SIL1: variants seen among roughly 807,000 people sequenced by gnomAD.
SIL1 encodes nucleotide exchange factor SIL1.
SIL1 carries 40 observed loss-of-function variants against 49.1 expected under a neutral mutation model. That is an observed-to-expected ratio of 0.81 (90% CI 0.63 to 1.06). The LOEUF (loss-of-function observed/expected upper bound fraction) is 1.06, where lower values mean the gene tolerates loss of function less well. Ranked by LOEUF, SIL1 falls within the 50% of genes least tolerant of loss-of-function variation. The pLI is 0.00. For synonymous variants in SIL1, 253 were observed against 250.8 expected, an observed-to-expected ratio of 1.01 and a Z score of -0.08; for missense variants, 500 against 572.6, an observed-to-expected ratio of 0.87 and a Z score of 1.29.
Position 139,042,777 on chromosome 5 carries a change from G to A in SIL1, c.354-58C>T. Reference sequence around the variant, plus strand: ...GCATGGCTAGGCTTGGTGGCTCACAGTTGTAATCCCAGTACTCTGGGTGGC... The same window carrying A: ...GCATGGCTAGGCTTGGTGGCTCACAATTGTAATCCCAGTACTCTGGGTGGC... On this transcript the variant is annotated intron_variant, in intron 4 of 9. Transcript: ENST00000394817. 5 of 1,487,854 alleles carry A rather than the reference G, an allele frequency of 3.4e-6. No individual in the cohort carries two copies. The South Asian group carries it at 5.7e-5, about 17-fold the overall frequency. The allele number at this position is 1,487,854 out of a possible 1,614,324, so 92.2% of individuals were successfully genotyped here.
intron 7 of SIL1, among the ~76,000 whole-genome samples, chr5:139,007,142 G>C (rs1441628085): frequency 1.9e-3 from 280 of 146,602 alleles, no homozygotes; most frequent in African/African-American, 7.2e-3. Context: ...TCATTGAGCA[G>C]TGTTTTGTAG....
chr5:139,136,056 G>A (rs1469904013), intron 1 of SIL1, among the ~76,000 whole-genome samples: 2 of 152,234 alleles, frequency 1.3e-5, no homozygotes, highest in East Asian at 3.9e-4. Context: ...GACAGAGTGA[G>A]GCTCTGTCTC....
intron 3 of SIL1, among the ~76,000 whole-genome samples, chr5:139,100,782 A>G (rs1464769856): frequency 1.1e-4 from 17 of 152,162 alleles, no homozygotes; most frequent in Non-Finnish European, 2.2e-4. Context: ...TGAAAAATTA[A>G]AGGGATAGAA....
At chr5:139,148,829 T>C (rs981075146) in intron 1 of SIL1, among the ~76,000 whole-genome samples, 19 of 152,204 alleles carry the variant, frequency 1.2e-4, no homozygotes, top group Non-Finnish European at 1.8e-4. Context: ...AGCCCCTTCC[T>C]ACACCTTCTA....
intron 1 of SIL1, among the ~76,000 whole-genome samples, chr5:139,162,448 C>T (rs577476047): frequency 6.6e-6 from 1 of 152,272 alleles, no homozygotes; most frequent in East Asian, 1.9e-4. Flanking sequence ...AGCCTAGCAA[C>T]CACAAACTCC....
intron 2 of SIL1, 99 bp from the exon 3 acceptor site, chr5:139,121,272 CT>C: frequency 6.6e-7 from 1 of 1,503,868 alleles, no homozygotes; most frequent in South Asian, 1.1e-5. Context: ...CTCCATGCCC[CT>C]CTCCCCCACA....
intron 1 of SIL1, among the ~76,000 whole-genome samples, chr5:139,131,999 C>A (rs1349615303): frequency 2.6e-5 from 4 of 152,096 alleles, no homozygotes; most frequent in Non-Finnish European, 5.9e-5. Flanking sequence ...CAAAGATTAA[C>A]CCAAAGCCAC....
intron 3 of SIL1, among the ~76,000 whole-genome samples, chr5:139,064,828 G>A (rs1769668257): frequency 6.6e-6 from 1 of 152,158 alleles, no homozygotes. Context: ...TAACACCTAT[G>A]ACTCATCTGC....
intron 3 of SIL1, among the ~76,000 whole-genome samples, chr5:139,059,124 T>C (rs1013293470): frequency 1.3e-5 from 2 of 152,120 alleles, no homozygotes; most frequent in African/African-American, 4.8e-5. Flanking sequence ...GGTGATAAGG[T>C]TTGGCTGTGT....
intron 1 of SIL1, among the ~76,000 whole-genome samples, chr5:139,191,709 T>C (rs1471932023): frequency 6.6e-6 from 1 of 151,952 alleles, no homozygotes; most frequent in Non-Finnish European, 1.5e-5. Flanking sequence ...GAGGATCACT[T>C]GAGCCCAGGA....
At chr5:138,974,856 T>G (rs184259730) in intron 7 of SIL1, among the ~76,000 whole-genome samples, 1 of 152,328 alleles carries the variant, frequency 6.6e-6, no homozygotes, top group African/African-American at 2.4e-5. Context: ...ATGTGTATCA[T>G]CCTACATTAT....
rs1409280963 is a variant in SIL1 at position 138,956,147 on chromosome 5, A to T, written c.768-4263T>A. Among the ~76,000 whole-genome samples, 4 of 152,196 alleles carry T rather than the reference A, an allele frequency of 2.6e-5. No homozygotes were observed. The East Asian group carries it at 7.7e-4, about 29-fold the overall frequency. ...TTTCATTCCCTTAGAACAGGAAAAA[A>T]CTATTATTTTTCTTCTGAAATGCCT... On this transcript the variant is annotated intron_variant, in intron 7 of 9. Transcript: ENST00000394817.
intron 3 of SIL1, among the ~76,000 whole-genome samples, chr5:139,093,428 A>T (rs919224461): frequency 4.6e-5 from 7 of 152,186 alleles, no homozygotes; most frequent in African/African-American, 1.4e-4. Context: ...AATCCTTCAG[A>T]GCGCAGTTAG....
At chr5:138,994,878 C>A (rs1367374123) in intron 7 of SIL1, among the ~76,000 whole-genome samples, 1 of 152,170 alleles carries the variant, frequency 6.6e-6, no homozygotes, top group Non-Finnish European at 1.5e-5. Context: ...ACCACCCCAA[C>A]AGGTTCCAGT....
At chr5:138,981,593 C>A (rs923165438) in intron 7 of SIL1, among the ~76,000 whole-genome samples, 1 of 152,164 alleles carries the variant, frequency 6.6e-6, no homozygotes, top group South Asian at 2.1e-4. Flanking sequence ...CAGGATATTC[C>A]CCCCTGGGAT....
chr5:139,004,019 G>A (rs1768054567), intron 7 of SIL1, among the ~76,000 whole-genome samples: 1 of 152,202 alleles, frequency 6.6e-6, no homozygotes, highest in African/African-American at 2.4e-5. Context: ...GGAAACAGCT[G>A]TGGAGAACTG....
At chr5:139,132,107 T>C (rs1229912671) in intron 1 of SIL1, among the ~76,000 whole-genome samples, 2 of 151,862 alleles carry the variant, frequency 1.3e-5, no homozygotes, top group African/African-American at 2.4e-5. Context: ...TTCTTACAGC[T>C]AGGGATCAAC....
intron 7 of SIL1, among the ~76,000 whole-genome samples, chr5:138,975,115 T>C (rs60869415): frequency 2.9e-3 from 444 of 152,278 alleles, no homozygotes; most frequent in African/African-American, 0.01. Context: ...TTTAGTATAA[T>C]ACTGTCTACT....
intron 3 of SIL1, among the ~76,000 whole-genome samples, chr5:139,052,105 C>T (rs1220366054): frequency 6.6e-6 from 1 of 152,126 alleles, no homozygotes; most frequent in African/African-American, 2.4e-5. Flanking sequence ...AGGAAGCACA[C>T]AGCACAAGTT....
Sources: gnomAD v4.1 joint callset for allele counts (sites outside exome capture counted in the v4.1 genomes callset) on GRCh38, gnomAD v4.1.1 for gene constraint, MANE v1.5 for transcripts, NCBI Gene and HGNC (gene_info 2026-07-23, HGNC 2026-07-21) for gene names.